Variants in TSNARE1 observed in about 807,000 individuals in gnomAD.
TSNARE1 encodes t-SNARE domain containing 1, also known as t-SNARE domain-containing protein 1.
In TSNARE1, 49 loss-of-function variants were observed where a neutral mutation model predicts 62.0. The ratio of observed to expected loss-of-function variants is 0.79; its 90% CI spans 0.63 to 1.00. TSNARE1 has a LOEUF of 1.00. Among genes scored for constraint, TSNARE1 ranks in the 50% least tolerant of loss-of-function variants. The pLI, the probability that TSNARE1 is intolerant of heterozygous loss-of-function variation, is 0.00. For missense variants in TSNARE1, 755 were observed against 700.1 expected (o/e 1.08, Z -0.88); for synonymous variants, 328 against 294.4 (o/e 1.11, Z -1.17).
intron 1 of TSNARE1, among the ~76,000 whole-genome samples, chr8:142,391,006 G>A (rs1201856798): frequency 7.8e-5 from 10 of 128,964 alleles, no homozygotes; most frequent in African/African-American, 1.2e-4. Flanking sequence ...TGTACACTGC[G>A]GGGGACTCTG....
At chr8:142,239,758 G>A (rs1563770029) in intron 12 of TSNARE1, among the ~76,000 whole-genome samples, 1 of 152,212 alleles carries the variant, frequency 6.6e-6, no homozygotes, top group African/African-American at 2.4e-5. Context: ...ACTTCTGAGG[G>A]TGTGTGGGAG....
chr8:142,394,467 G>A (rs1837758579), intron 1 of TSNARE1, among the ~76,000 whole-genome samples: 1 of 152,128 alleles, frequency 6.6e-6, no homozygotes, highest in African/African-American at 2.4e-5. Flanking sequence ...GGTAAAGGGA[G>A]GGACGATGAT....
intron 1 of TSNARE1, among the ~76,000 whole-genome samples, chr8:142,366,772 C>A (rs532864568): frequency 6.6e-6 from 1 of 152,092 alleles, no homozygotes; most frequent in Non-Finnish European, 1.5e-5. Flanking sequence ...GTGGTGTCAG[C>A]CAATGCAGTT....
chr8:142,276,874 C>T, intron 11 of TSNARE1: 1 of 985,456 alleles, frequency 1.0e-6, no homozygotes, highest in South Asian at 4.7e-5. Flanking sequence ...ACACCTCACA[C>T]AACCACTGCC....
At chr8:142,325,820 G>A (rs894053469) in intron 6 of TSNARE1, among the ~76,000 whole-genome samples, 5 of 152,200 alleles carry the variant, frequency 3.3e-5, no homozygotes, top group African/African-American at 7.2e-5. Context: ...ACGAAGACCA[G>A]GGCCCTGGAG....
At chr8:142,306,691 G>C (rs944529318) in intron 9 of TSNARE1, among the ~76,000 whole-genome samples, 3 of 152,188 alleles carry the variant, frequency 2.0e-5, no homozygotes, top group South Asian at 2.1e-4. Flanking sequence ...CATCAACTTG[G>C]CAACAGTCCT....
intron 12 of TSNARE1, among the ~76,000 whole-genome samples, chr8:142,260,151 C>T (rs971975307): frequency 6.6e-6 from 1 of 152,132 alleles, no homozygotes; most frequent in African/African-American, 2.4e-5. Context: ...CAGCCCCGAA[C>T]CCAGAGCCTG....
chr8:142,307,600 G>A (rs1435884872), intron 9 of TSNARE1, among the ~76,000 whole-genome samples: 1 of 152,174 alleles, frequency 6.6e-6, no homozygotes, highest in African/African-American at 2.4e-5. Flanking sequence ...CTGCCGTATT[G>A]TTTTGGAAAT....
intron 12 of TSNARE1, chr8:142,270,601 C>T (rs1333137436): frequency 1.0e-6 from 1 of 985,088 alleles, no homozygotes; most frequent in Non-Finnish European, 1.2e-6. Context: ...GAGCCCTGCC[C>T]TCCAAGTGTG....
intron 12 of TSNARE1, among the ~76,000 whole-genome samples, chr8:142,239,834 T>C (rs1195448360): frequency 6.6e-6 from 1 of 152,214 alleles, no homozygotes; most frequent in East Asian, 1.9e-4. Flanking sequence ...AAGGAAGCAT[T>C]AACAATGGTG....
chr8:142,254,856 C>T (rs1332967137), intron 12 of TSNARE1, among the ~76,000 whole-genome samples: 1 of 152,192 alleles, frequency 6.6e-6, no homozygotes, highest in African/African-American at 2.4e-5. Flanking sequence ...AGGGGTGGTG[C>T]TGCACCCGGG....
In TSNARE1 at chr8:142,223,527, C is replaced by T. The variant is rs867540275; in HGVS notation, c.*11+5946G>A. ...ACTCATTTATCCACTCACTCACTCA[C>T]TCATTCACTCATTCACTCACTCATT... is the stretch of plus-strand genomic sequence containing the variant. On this transcript the variant is annotated intron_variant, in intron 13 of 13. Coordinates refer to ENST00000524325, the MANE Select transcript of TSNARE1 (RefSeq NM_145003.5). Among the ~76,000 whole-genome samples, 8 of 146,116 alleles carry T rather than the reference C, an allele frequency of 5.5e-5. 1 individual carries two copies. The highest frequency in any genetic ancestry group is 2.0e-4 in the African/African-American group (8 of 39,460).
At chr8:142,237,805 T>C (rs1817506206) in intron 12 of TSNARE1, among the ~76,000 whole-genome samples, 1 of 152,148 alleles carries the variant, frequency 6.6e-6, no homozygotes, top group Admixed American at 6.5e-5. Flanking sequence ...GACCTCTCTC[T>C]CCCGAACCAT....
chr8:142,301,429 G>C (rs1825749824), intron 9 of TSNARE1, among the ~76,000 whole-genome samples: 1 of 123,540 alleles, frequency 8.1e-6, no homozygotes, highest in African/African-American at 3.2e-5. Context: ...CACCTGCCCT[G>C]CCCATGCCAG....
chr8:142,236,442 C>A (rs1334735858), intron 12 of TSNARE1, among the ~76,000 whole-genome samples: 1 of 152,044 alleles, frequency 6.6e-6, no homozygotes, highest in Non-Finnish European at 1.5e-5. Flanking sequence ...CACCAAGTAT[C>A]CGCTGGGCAC....
chr8:142,266,927 T>G (rs1819163581), intron 12 of TSNARE1, among the ~76,000 whole-genome samples: 1 of 152,248 alleles, frequency 6.6e-6, no homozygotes, highest in Non-Finnish European at 1.5e-5. Flanking sequence ...TTGCTATTAC[T>G]AACTTCATCT....
Position 142,219,279 on chromosome 8 carries a change from G to T in TSNARE1, c.*12-6966C>A, listed in dbSNP as rs1424304154. Reference sequence around the variant, plus strand: ...GGAGGAAGGAGGGAGAGACGAGGAAGGAGAAGGAAAGCTTAGGGAGAGAAG... The same window carrying T: ...GGAGGAAGGAGGGAGAGACGAGGAATGAGAAGGAAAGCTTAGGGAGAGAAG... On this transcript the variant is annotated intron_variant, in intron 13 of 13. Coordinates refer to ENST00000524325, the MANE Select transcript of TSNARE1 (RefSeq NM_145003.5). 2.0e-5 allele frequency among the ~76,000 whole-genome samples: 3 copies of T among 152,202 alleles called. No homozygotes were observed. In the East Asian group the frequency reaches 5.8e-4, roughly 29 times the overall value.
intron 1 of TSNARE1, among the ~76,000 whole-genome samples, chr8:142,383,707 T>C (rs565233032): frequency 7.2e-5 from 11 of 152,316 alleles, no homozygotes; most frequent in South Asian, 6.2e-4. Context: ...ATTTCCTTTT[T>C]CAATGTTCAC....
At chr8:142,361,718 C>T (rs1460184436) in intron 1 of TSNARE1, among the ~76,000 whole-genome samples, 2 of 152,186 alleles carry the variant, frequency 1.3e-5, no homozygotes, top group African/African-American at 4.8e-5. Flanking sequence ...CACATGCTAC[C>T]TTCACACTCC....
Sources: gnomAD v4.1 joint callset for allele counts (sites outside exome capture counted in the v4.1 genomes callset) on GRCh38, gnomAD v4.1.1 for gene constraint, MANE v1.5 for transcripts, NCBI Gene and HGNC (gene_info 2026-07-23, HGNC 2026-07-21) for gene names.